The following DHX16 variants were observed in gnomAD, a reference collection of about 807,000 sequenced individuals.
DHX16 encodes the protein DEAH-box helicase 16.
DHX16 carries 81 observed loss-of-function variants against 131.2 expected under a neutral mutation model. The observed-to-expected ratio is 0.62, with a 90% CI of 0.52 to 0.74. The LOEUF (loss-of-function observed/expected upper bound fraction) is 0.74, where lower values mean the gene tolerates loss of function less well. Among genes scored for constraint, DHX16 ranks in the 30% least tolerant of loss-of-function variants. DHX16 has a pLI of 0.00. For missense variants in DHX16, 980 were observed against 1,363.1 expected, an observed-to-expected ratio of 0.72 and a Z score of 4.43; for synonymous variants, 440 against 520.2, an observed-to-expected ratio of 0.85 and a Z score of 2.10.
Position 30,672,862 on chromosome 6 carries a change from C to T in DHX16, c.-21G>A. ...GCCATGGCGACTCACGCTCCCTGCT[C>T]CCGGCCCTGAAGCGTCGGGCAGCCG... On this transcript the variant is annotated 5_prime_UTR_variant, in exon 1 of 20. Coordinates refer to ENST00000376442, the MANE Select transcript of DHX16 (RefSeq NM_003587.5). The T allele has an allele frequency of 1.9e-6, 3 of 1,611,752 alleles. No homozygotes were observed. The highest frequency in any genetic ancestry group is 2.5e-6 in the Non-Finnish European group (3 of 1,179,014).
chr6:30,669,288 C>T (rs1436024559), intron 4 of DHX16, among the ~76,000 whole-genome samples: 1 of 148,416 alleles, frequency 6.7e-6, no homozygotes, highest in Non-Finnish European at 1.5e-5. Context: ...GAGTGTGGTA[C>T]TGCAGGCCTG....
At chr6:30,659,666 CAGA>C (rs1215734079) in intron 11 of DHX16, 42 bp from the exon 12 acceptor site, 1 of 1,613,258 alleles carries the variant, frequency 6.2e-7, no homozygotes, top group Non-Finnish European at 8.5e-7. Context: ...CCCAGAGTCA[CAGA>C]AGGCCAACAT....
intron 12 of DHX16, among the ~76,000 whole-genome samples, chr6:30,657,872 C>T (rs1382122409): frequency 1.3e-5 from 2 of 152,176 alleles, no homozygotes; most frequent in East Asian, 3.9e-4. Context: ...CAAGTTCCAT[C>T]CTACTATGCT....
Position 30,659,572 on chromosome 6 carries a change from C to A in DHX16, c.1907G>T (p.Gly636Val). ...CACCAGGAGCTCCCGGATTTTGGAG[C>A]CCAGGCGGCGGCAGCGATCCTGGAG... ...EMLQDRCRRL[G>V]SKIRELLVLP... The change falls in exon 12 of 20, where the codon GGC (glycine) becomes GTC (valine). Residue 636 changes from glycine to valine, a missense_variant. Physicochemically the swap from Gly to Val is moderately radical, Grantham distance 109. Transcript: ENST00000376442. 1 of 1,613,280 alleles carries A rather than the reference C, an allele frequency of 6.2e-7. No homozygotes were observed. The highest frequency in any genetic ancestry group is 8.5e-7 in the Non-Finnish European group (1 of 1,179,970).
At position 30,672,701 on chromosome 6, in the gene DHX16, T is replaced by C. The variant is rs34921364; in HGVS notation, c.141A>G (p.Leu47=). 1.9e-3 allele frequency: 2,997 copies of C among 1,612,912 alleles called. 39 individuals carry two copies. The African/African-American group carries it at 0.033, about 18-fold the overall frequency. Reference sequence around the variant, plus strand: ...TGAGATCCAAGGTATCAGTGTCTCGTAGGCGCTGCACGAACTCCTCGGCAG... The same window carrying C: ...TGAGATCCAAGGTATCAGTGTCTCGCAGGCGCTGCACGAACTCCTCGGCAG... ...CTSAEEFVQR[L]RDTDTLDLSG... is the part of the protein sequence containing the mutation. Residue 47 remains leucine, a synonymous_variant, in exon 1 of 20, where the codon CTA becomes CTG. Transcript: ENST00000376442.
chr6:30,659,933 T>C (rs1421076716), intron 10 of DHX16, 99 bp from the exon 11 acceptor site: 5 of 1,555,220 alleles, frequency 3.2e-6, no homozygotes, highest in Non-Finnish European at 3.5e-6. Flanking sequence ...TAGTTCCCCT[T>C]TGAACCTTCC....
Position 30,670,341 on chromosome 6 carries a change from C to T in DHX16, c.666+69G>A, listed in dbSNP as rs1769414337. 1 of 1,479,458 alleles carries T rather than the reference C, an allele frequency of 6.8e-7. No homozygotes were observed. The highest frequency in any genetic ancestry group is 9.2e-7 in the Non-Finnish European group (1 of 1,081,784). 91.6% of individuals were successfully genotyped at this position (1,479,458 alleles called of 1,614,324 possible). A position where few individuals can be genotyped will look rare whatever the true frequency, so the allele number is the denominator to read the frequency against. On this transcript the variant is annotated intron_variant, in intron 4 of 19. Coordinates refer to ENST00000376442, the MANE Select transcript of DHX16 (RefSeq NM_003587.5). The surrounding 1 kb of genome is among the most constrained non-coding windows in gnomAD (Gnocchi z 4.4). ...CTGTGCTTCCTCTGTATCCTCTCTC[C>T]CTATACACTCTATCAGAAAGTCTTT...
At chr6:30,668,676 A>T (rs1012934282) in intron 4 of DHX16, among the ~76,000 whole-genome samples, 1 of 151,936 alleles carries the variant, frequency 6.6e-6, no homozygotes, top group Admixed American at 6.6e-5. Context: ...AATTAAATTC[A>T]GGCCAAAACA....
intron 4 of DHX16, among the ~76,000 whole-genome samples, chr6:30,669,513 T>C (rs930289632): frequency 2.6e-5 from 4 of 151,888 alleles, no homozygotes; most frequent in African/African-American, 9.7e-5. Flanking sequence ...ATTCCAGCTC[T>C]CTGGGAGGCC....
chr6:30,672,521 G>T, intron 1 of DHX16, 114 bp downstream of exon 1: 2 of 980,618 alleles, frequency 2.0e-6, no homozygotes, highest in Non-Finnish European at 3.0e-6. Flanking sequence ...GTACCTACGC[G>T]ACAACGGACA....
In DHX16 at chr6:30,671,289, G is replaced by A; in HGVS notation, c.208-15C>T. On this transcript the variant is annotated splice_polypyrimidine_tract_variant and intron_variant, in intron 1 of 19. Coordinates refer to ENST00000376442, the MANE Select transcript of DHX16 (RefSeq NM_003587.5). ...TTTCGTGGTACCTGTCAGTAGAGGG[G>A]AAGATAAGGAGGTCTGAGCAACTCC... is the stretch of plus-strand genomic sequence containing the variant. The A allele has an allele frequency of 1.2e-6, 2 of 1,610,290 alleles. No individual in the cohort carries two copies. The highest frequency in any genetic ancestry group is 1.7e-6 in the Non-Finnish European group (2 of 1,178,168).
chr6:30,657,005 T>C lies in DHX16; in HGVS notation c.2095A>G (p.Ser699Gly). Residue 699 changes from serine (S) to glycine (G), a missense_variant, in exon 13 of 20, where the codon AGC becomes GGC. Around this residue, in one of 3 missense-constraint regions of DHX16, gnomAD observed 309 missense variants for 537.1 expected, o/e 0.58. Coordinates refer to ENST00000376442, the MANE Select transcript of DHX16 (RefSeq NM_003587.5). ...TCCATGCCTGTGCGGGGGTTGTAGC[T>C]CTTCTGCTTACAGAACCCTGGATCC... ...VLDPGFCKQK[S>G]YNPRTGMESL... is the part of the protein sequence containing the mutation. The C allele has an allele frequency of 1.9e-6, 3 of 1,612,996 alleles. No individual in the cohort carries two copies. Among genetic ancestry groups the C allele is most frequent in the Non-Finnish European group, 2.5e-6 (3 of 1,180,022 alleles).
rs753483872 is a variant in DHX16 at position 30,664,909 on chromosome 6, T to C, written c.1209A>G (p.Pro403=). The change falls in exon 7 of 20, where the codon CCA becomes CCG. Residue 403 remains proline (P), a synonymous_variant. Transcript: ENST00000376442. ...TAGCAGCCAGGAGCTCCTCTCGAAA[T>C]GGGAACACCGGGAGGCTGCGGCGGA... ...QAVRRSLPVF[P]FREELLAAIA... The C allele has an allele frequency of 1.9e-6, 3 of 1,613,636 alleles. No homozygotes were observed. Among genetic ancestry groups the C allele is most frequent in the Admixed American group, 3.3e-5 (2 of 60,018 alleles).
rs1769440981 is a variant in DHX16 at position 30,670,575 on chromosome 6, A to T, written c.610-109T>A. On this transcript the variant is annotated intron_variant, in intron 3 of 19. Transcript: ENST00000376442. This position sits in a 1 kb window ranked among gnomAD's most constrained non-coding sequence, Gnocchi z 4.4. Reference sequence around the variant, plus strand: ...CATTCAGATGCGCCCTAACACAAAAAATGTCCCCTCTCAGTGAGGAATCTC... The same window carrying T: ...CATTCAGATGCGCCCTAACACAAAATATGTCCCCTCTCAGTGAGGAATCTC... 4 of 1,312,748 alleles carry T rather than the reference A, an allele frequency of 3.0e-6. No individual in the cohort carries two copies. Among genetic ancestry groups the T allele is most frequent in the Non-Finnish European group, 4.2e-6 (4 of 944,102 alleles). 81.3% of individuals were successfully genotyped at this position (1,312,748 alleles called of 1,614,324 possible).
intron 19 of DHX16, among the ~76,000 whole-genome samples, chr6:30,653,879 T>C (rs1161181854): frequency 2.0e-5 from 3 of 152,186 alleles, no homozygotes; most frequent in Non-Finnish European, 4.4e-5. Flanking sequence ...CCCAACACTT[T>C]GGGAGGCCGT....
At position 30,653,216 on chromosome 6, in the gene DHX16, T is replaced by G. The variant is rs774434206; in HGVS notation, c.*26A>C. The G allele has an allele frequency of 3.7e-6, 6 of 1,602,726 alleles. No individual in the cohort carries two copies. The highest frequency in any genetic ancestry group is 5.1e-6 in the Non-Finnish European group (6 of 1,177,158). On this transcript the variant is annotated 3_prime_UTR_variant, in exon 20 of 20. Coordinates refer to ENST00000376442, the MANE Select transcript of DHX16 (RefSeq NM_003587.5). ...AATGTATAGAAGGAAAAGGAGCTGG[T>G]GTCAGGTTCTGTTTACGTCCTTCTC...
At position 30,654,855 on chromosome 6, in the gene DHX16, G is replaced by A. The variant is rs1472581692; in HGVS notation, c.2848C>T (p.His950Tyr). ...CCACTCCGAGTCAACCGTGCCGTGT[G>A]GTAAAAGTAACCAGCAGTGATGGCC... ...RKAITAGYFY[H>Y]TARLTRSGYR... Residue 950 changes from histidine (H) to tyrosine (Y), a missense_variant, in exon 19 of 20, where the codon CAC becomes TAC. Around this residue, in one of 3 missense-constraint regions of DHX16, gnomAD observed 214 missense variants for 271.2 expected, o/e 0.79. Coordinates refer to ENST00000376442, the MANE Select transcript of DHX16 (RefSeq NM_003587.5). 2 of 1,612,568 alleles carry A rather than the reference G, an allele frequency of 1.2e-6. No homozygotes were observed. The highest frequency in any genetic ancestry group is 3.3e-5 in the Admixed American group (2 of 59,896).
chr6:30,671,519 G>T (rs1769554360), intron 1 of DHX16, among the ~76,000 whole-genome samples: 1 of 151,972 alleles, frequency 6.6e-6, no homozygotes, highest in Admixed American at 6.6e-5. Flanking sequence ...GACTATTTTT[G>T]TATTTTTAGT....
rs752836709 is a variant in DHX16, at chr6:30,665,171, C to A, written c.1025G>T (p.Gly342Val). ...CTCCTGAGAGGCAGCATCTCGGGCC[C>A]CAAACTTCAGGGACGCTGCCCCAAG... ...ARLGAASLKF[G>V]ARDAASQEPK... The change falls in exon 6 of 20, where the codon GGG (glycine) becomes GTG (valine). Residue 342 changes from glycine (G) to valine (V), a missense_variant. Physicochemically the swap from Gly to Val is moderately radical, Grantham distance 109. Coordinates refer to ENST00000376442, the MANE Select transcript of DHX16 (RefSeq NM_003587.5). The surrounding 1 kb of genome is among the most constrained non-coding windows in gnomAD (Gnocchi z 4.8). 3.7e-6 allele frequency: 6 copies of A among 1,613,036 alleles called. No homozygotes were observed. The highest frequency in any genetic ancestry group is 5.1e-6 in the Non-Finnish European group (6 of 1,179,924).
Sources: gnomAD v4.1 joint callset for allele counts (sites outside exome capture counted in the v4.1 genomes callset) on GRCh38, gnomAD v4.1.1 for gene constraint, gnomAD v4.1.1 regional missense constraint, Gnocchi (gnomAD v3.1) non-coding constraint, MANE v1.5 for transcripts, NCBI Gene and HGNC (gene_info 2026-07-23, HGNC 2026-07-21) for gene names.